The following ARHGAP15 variants were observed in gnomAD, a reference collection of about 807,000 sequenced individuals.
The protein encoded by ARHGAP15 is rho GTPase-activating protein 15.
A neutral mutation model predicts 63.7 loss-of-function variants in ARHGAP15; 51 were observed. The observed-to-expected ratio is 0.80, with a 90% CI of 0.64 to 1.01. The LOEUF is 1.01. Among genes scored for constraint, ARHGAP15 ranks in the 50% least tolerant of loss-of-function variants. The pLI is 0.00. For synonymous variants in ARHGAP15, 191 were observed against 193.8 expected (o/e 0.99, Z 0.12); for missense variants, 560 against 564.6 (o/e 0.99, Z 0.08).
Position 143,137,275 on chromosome 2 carries a change from T to A in ARHGAP15, c.-15+7809T>A, listed in dbSNP as rs1258503369. 3.3e-5 allele frequency among the ~76,000 whole-genome samples: 5 copies of A among 152,090 alleles called. No homozygotes were observed. In the East Asian group the frequency reaches 7.7e-4, roughly 23 times the overall value. ...TTGACCTCGCCTGTCTTTTTACTGCTAAATACCTAGAACCTAGAACAAATG... is the reference window on the plus strand; with the variant it reads ...TTGACCTCGCCTGTCTTTTTACTGCAAAATACCTAGAACCTAGAACAAATG... On this transcript the variant is annotated intron_variant, in intron 1 of 13. Transcript: ENST00000295095.
At chr2:143,140,694 T>G (rs754062313) in intron 1 of ARHGAP15, among the ~76,000 whole-genome samples, 2 of 152,170 alleles carry the variant, frequency 1.3e-5, no homozygotes, top group Non-Finnish European at 2.9e-5. Context: ...TTCCTTTCTT[T>G]TGTTTAATTT....
intron 12 of ARHGAP15, among the ~76,000 whole-genome samples, chr2:143,641,748 T>C (rs761881282): frequency 4.6e-5 from 7 of 152,288 alleles, no homozygotes; most frequent in Admixed American, 3.3e-4. Context: ...CAAGGCCTGT[T>C]ACTGCTTTGA....
intron 9 of ARHGAP15, among the ~76,000 whole-genome samples, chr2:143,505,204 G>A (rs150465936): frequency 1.3e-5 from 2 of 152,102 alleles, no homozygotes; most frequent in East Asian, 1.9e-4. Flanking sequence ...CCATGGTGGC[G>A]AACATCATTC....
At chr2:143,716,611 A>G (rs1383426674) in intron 13 of ARHGAP15, among the ~76,000 whole-genome samples, 1 of 152,236 alleles carries the variant, frequency 6.6e-6, no homozygotes, top group East Asian at 1.9e-4. Context: ...TAAGTGTATA[A>G]AGAAATTTGG....
chr2:143,259,362 A>T (rs1680598387), intron 6 of ARHGAP15, among the ~76,000 whole-genome samples: 1 of 152,198 alleles, frequency 6.6e-6, no homozygotes, highest in African/African-American at 2.4e-5. Flanking sequence ...TGTTTAATGC[A>T]TATGAAAATA....
intron 13 of ARHGAP15, among the ~76,000 whole-genome samples, chr2:143,744,696 T>C (rs1686095093): frequency 6.6e-6 from 1 of 152,198 alleles, no homozygotes; most frequent in African/African-American, 2.4e-5. Context: ...GCAATAAAAT[T>C]ATCACTTAAC....
At chr2:143,169,097 T>G (rs1690662389) in intron 2 of ARHGAP15, among the ~76,000 whole-genome samples, 1 of 152,060 alleles carries the variant, frequency 6.6e-6, no homozygotes, top group Non-Finnish European at 1.5e-5. Flanking sequence ...AAAGATGTAT[T>G]TTATTTTGCC....
At chr2:143,262,099 C>T (rs56128795) in intron 6 of ARHGAP15, among the ~76,000 whole-genome samples, 60 of 152,184 alleles carry the variant, frequency 3.9e-4, no homozygotes, top group Middle Eastern at 3.4e-3. Flanking sequence ...ATGTGTAACG[C>T]GTGCTGAGGC....
At position 143,696,672 on chromosome 2, in the gene ARHGAP15, AGTT is replaced by A. The variant is rs139268168; in HGVS notation, c.1139-6743_1139-6741del. ...ATACTGACAATTATTGACTATAAAG[AGTT>A]GTTCCCATTTTTTAAATTCTTCCTA... On this transcript the variant is annotated intron_variant, in intron 12 of 13. Transcript: ENST00000295095. Among the ~76,000 whole-genome samples the A allele has an allele frequency of 5.9e-3, 894 of 152,312 alleles. 9 individuals carry two copies. Among genetic ancestry groups the A allele is most frequent in the African/African-American group, 0.02 (849 of 41,568 alleles).
chr2:143,162,769 T>C (rs1023556773), intron 2 of ARHGAP15, among the ~76,000 whole-genome samples: 2 of 151,870 alleles, frequency 1.3e-5, no homozygotes, highest in African/African-American at 4.8e-5. Flanking sequence ...TTAAGAGAGG[T>C]TTAATTTATG....
intron 12 of ARHGAP15, among the ~76,000 whole-genome samples, chr2:143,663,009 G>A (rs1681914663): frequency 7.3e-6 from 1 of 136,146 alleles, no homozygotes. Flanking sequence ...TTATCCAGGA[G>A]AACTTCCCCA....
At chr2:143,618,982 C>T (rs1037801347) in intron 11 of ARHGAP15, among the ~76,000 whole-genome samples, 5 of 136,172 alleles carry the variant, frequency 3.7e-5, no homozygotes, top group Admixed American at 2.3e-4. Context: ...GCCACCATGC[C>T]GGGCTACTTT....
chr2:143,352,970 A>G (rs1685637203), intron 6 of ARHGAP15, among the ~76,000 whole-genome samples: 1 of 152,192 alleles, frequency 6.6e-6, no homozygotes. Flanking sequence ...TTACTTTAAT[A>G]AGTACATGAA....
intron 6 of ARHGAP15, among the ~76,000 whole-genome samples, chr2:143,393,416 G>T (rs1367463149): frequency 6.6e-6 from 1 of 152,050 alleles, no homozygotes; most frequent in Non-Finnish European, 1.5e-5. Context: ...GAAATCTTAT[G>T]TTATTACTTA....
chr2:143,409,400 T>C (rs1161934477), intron 6 of ARHGAP15, among the ~76,000 whole-genome samples: 1 of 152,052 alleles, frequency 6.6e-6, no homozygotes, highest in Admixed American at 6.5e-5. Context: ...CACAGTCATA[T>C]TAGAAGTGTT....
intron 10 of ARHGAP15, among the ~76,000 whole-genome samples, chr2:143,551,946 C>T (rs575904696): frequency 1.3e-5 from 2 of 152,282 alleles, no homozygotes; most frequent in East Asian, 3.9e-4. Context: ...TGAATGGCAC[C>T]AGAGCTTCTC....
At chr2:143,224,209 T>A (rs1231793781) in intron 4 of ARHGAP15, among the ~76,000 whole-genome samples, 1 of 152,040 alleles carries the variant, frequency 6.6e-6, no homozygotes, top group East Asian at 1.9e-4. Flanking sequence ...GGAAAAAATA[T>A]CCTATATCAG....
At chr2:143,456,480 G>A (rs1475899044) in intron 8 of ARHGAP15, among the ~76,000 whole-genome samples, 1 of 151,962 alleles carries the variant, frequency 6.6e-6, no homozygotes, top group Non-Finnish European at 1.5e-5. Context: ...TTTTCATAAA[G>A]TGAAAGCATT....
chr2:143,746,769 C>T (rs1051680861), intron 13 of ARHGAP15, among the ~76,000 whole-genome samples: 2 of 152,094 alleles, frequency 1.3e-5, no homozygotes, highest in Non-Finnish European at 2.9e-5. Context: ...AATCTGAATG[C>T]TTAAATGCCA....
Sources: allele counts gnomAD v4.1 joint callset (sites outside exome capture counted in the v4.1 genomes callset), GRCh38; gene constraint gnomAD v4.1.1; transcripts MANE v1.5; gene names NCBI Gene and HGNC (gene_info 2026-07-23, HGNC 2026-07-21).